SAG: variants seen among roughly 807,000 people sequenced by gnomAD.
SAG encodes S-arrestin.
In SAG, 45 loss-of-function variants were observed where a neutral mutation model predicts 55.0. The ratio of observed to expected loss-of-function variants is 0.82; its 90% CI spans 0.64 to 1.05. SAG has a LOEUF of 1.05. SAG is among the 50% of genes least tolerant of loss of function. SAG has a pLI of 0.00. For synonymous variants in SAG, 189 were observed against 197.4 expected (o/e 0.96, Z 0.36); for missense variants, 455 against 512.1 (o/e 0.89, Z 1.08).
At chr2:233,330,418 T>C (rs1183266057) in intron 9 of SAG, among the ~76,000 whole-genome samples, 1 of 152,118 alleles carries the variant, frequency 6.6e-6, no homozygotes, top group Admixed American at 6.6e-5. Context: ...TCATCACAGA[T>C]GAGGGTCAGA....
chr2:233,311,294 C>T (rs1700069399), intron 2 of SAG, among the ~76,000 whole-genome samples: 1 of 152,150 alleles, frequency 6.6e-6, no homozygotes. Context: ...AATGACTGCC[C>T]CTGCTCCTGG....
chr2:233,336,077 A>G (rs894451521), intron 11 of SAG, among the ~76,000 whole-genome samples: 5 of 152,378 alleles, frequency 3.3e-5, no homozygotes, highest in African/African-American at 1.2e-4. Flanking sequence ...ATTCTAAAGC[A>G]CATTCGTGAA....
At chr2:233,321,734 C>G (rs1215053742) in intron 5 of SAG, among the ~76,000 whole-genome samples, 5 of 152,060 alleles carry the variant, frequency 3.3e-5, no homozygotes, top group African/African-American at 1.2e-4. Context: ...ATGAACCGTA[C>G]AGTTAAAAGA....
intron 5 of SAG, among the ~76,000 whole-genome samples, chr2:233,321,038 C>A (rs920490128): frequency 2.0e-5 from 3 of 152,118 alleles, no homozygotes; most frequent in African/African-American, 7.2e-5. Context: ...TTCAACCTAC[C>A]GTTTACATAT....
At chr2:233,313,894 T>C (rs1399749470) in intron 2 of SAG, among the ~76,000 whole-genome samples, 1 of 151,408 alleles carries the variant, frequency 6.6e-6, no homozygotes, top group African/African-American at 2.4e-5. Flanking sequence ...AAGGGGCTGT[T>C]TGCTAGGGTG....
intron 10 of SAG, 194 bp downstream of exon 10, chr2:233,331,906 C>T (rs1429500592): frequency 1.7e-6 from 1 of 602,120 alleles, no homozygotes; most frequent in Non-Finnish European, 3.0e-6. Flanking sequence ...CCCTCTGTGC[C>T]CATCTTACAG....
At chr2:233,321,139 G>C (rs1574934871) in intron 5 of SAG, among the ~76,000 whole-genome samples, 1 of 152,314 alleles carries the variant, frequency 6.6e-6, no homozygotes, top group South Asian at 2.1e-4. Flanking sequence ...ATGCCCCTCG[G>C]CCCTGGGGAG....
At chr2:233,321,060 C>T (rs1194257261) in intron 5 of SAG, among the ~76,000 whole-genome samples, 2 of 152,144 alleles carry the variant, frequency 1.3e-5, no homozygotes, top group Non-Finnish European at 2.9e-5. Flanking sequence ...TCCCTTGACC[C>T]GACCCCCTAA....
intron 15 of SAG, among the ~76,000 whole-genome samples, 162 bp downstream of exon 15, chr2:233,346,574 G>A (rs141777205): frequency 1.1e-3 from 161 of 152,284 alleles, no homozygotes; most frequent in African/African-American, 3.7e-3. Context: ...CTTACGGCAC[G>A]CACGCACCAT....
At chr2:233,331,416 G>T in intron 9 of SAG, 3 of 589,882 alleles carry the variant, frequency 5.1e-6, no homozygotes, top group Non-Finnish European at 9.1e-6. Context: ...AGGGGACATG[G>T]GTGGGAGTTG....
rs2304774 is a variant in SAG, at chr2:233,327,103, G to C, written c.436-18G>C. On this transcript the variant is annotated intron_variant, in intron 6 of 15. Coordinates refer to ENST00000409110, the MANE Select transcript of SAG (RefSeq NM_000541.5). ...GGGAGTCGCTGATCGCTGCCTGTCT[G>C]CTCTCTCTCCCCAACAGTCCTGTGG... 766,495 of 1,607,922 alleles carry C rather than the reference G, an allele frequency of 0.48. 189,963 individuals carry two copies. The highest frequency in any genetic ancestry group is 0.56 in the South Asian group (50,528 of 90,912).
intron 2 of SAG, among the ~76,000 whole-genome samples, chr2:233,311,661 C>T (rs1002225452): frequency 1.5e-4 from 23 of 152,164 alleles, no homozygotes; most frequent in African/African-American, 5.3e-4. Flanking sequence ...TACCTGCCCC[C>T]ATCCTGCCCC....
chr2:233,309,034 C>T (rs946651303), intron 1 of SAG, 128 bp from the exon 2 acceptor site: 17 of 567,832 alleles, frequency 3.0e-5, no homozygotes, highest in African/African-American at 5.6e-5. Flanking sequence ...ATGTTGAAGC[C>T]GGTACAAGGG....
chr2:233,331,822 C>G, intron 10 of SAG, 110 bp downstream of exon 10: 1 of 767,524 alleles, frequency 1.3e-6, no homozygotes, highest in Non-Finnish European at 2.3e-6. Flanking sequence ...GCTCGCCAGC[C>G]TTCCACTTCC....
At chr2:233,325,396 G>A (rs1224882898) in intron 6 of SAG, among the ~76,000 whole-genome samples, 1 of 151,804 alleles carries the variant, frequency 6.6e-6, no homozygotes, top group East Asian at 1.9e-4. Flanking sequence ...GGAATGGATT[G>A]GAAAATCTCA....
At position 233,319,652 on chromosome 2, in the gene SAG, G is replaced by A. The variant is rs1700321115; in HGVS notation, c.181+857G>A. 1.0e-6 allele frequency: 1 copy of A among 986,060 alleles called. No homozygotes were observed. The highest frequency in any genetic ancestry group is 1.2e-6 in the Non-Finnish European group (1 of 830,460). 61.1% of individuals were successfully genotyped at this position (986,060 alleles called of 1,614,324 possible). ...TCTGTCCTCTCCACCTTCCTCCTGGGTGCCCTGCTCCTCTCTGGACCAGGA... is the reference window on the plus strand; with the variant it reads ...TCTGTCCTCTCCACCTTCCTCCTGGATGCCCTGCTCCTCTCTGGACCAGGA... On this transcript the variant is annotated intron_variant, in intron 4 of 15. Coordinates refer to ENST00000409110, the MANE Select transcript of SAG (RefSeq NM_000541.5). This position sits in a 1 kb window ranked among gnomAD's most constrained non-coding sequence, Gnocchi z 4.4.
At position 233,327,150 on chromosome 2, in the gene SAG, A is replaced by T. The variant is rs373440920; in HGVS notation, c.465A>T (p.Ala155=). 62 of 1,613,760 alleles carry T rather than the reference A, an allele frequency of 3.8e-5. No homozygotes were observed. The Admixed American group carries it at 1.0e-3, about 27-fold the overall frequency. Residue 155 remains alanine, a synonymous_variant, in exon 7 of 16, where the codon GCA becomes GCT. Coordinates refer to ENST00000409110, the MANE Select transcript of SAG (RefSeq NM_000541.5). ...KSCGVDFEVK[A]FATDSTDAEE... ...GTGGGGTTGACTTTGAGGTCAAAGCATTCGCCACAGACAGCACCGATGCCG... is the reference window on the plus strand; with the variant it reads ...GTGGGGTTGACTTTGAGGTCAAAGCTTTCGCCACAGACAGCACCGATGCCG...
chr2:233,310,967 C>T (rs1700062896), intron 2 of SAG, among the ~76,000 whole-genome samples: 1 of 152,102 alleles, frequency 6.6e-6, no homozygotes, highest in Non-Finnish European at 1.5e-5. Flanking sequence ...CTTTCGTTCT[C>T]CAAGCCCTTT....
At chr2:233,320,270 C>T (rs1279391592) in intron 4 of SAG, among the ~76,000 whole-genome samples, 1 of 152,206 alleles carries the variant, frequency 6.6e-6, no homozygotes, top group African/African-American at 2.4e-5. Flanking sequence ...ACATCCTGCC[C>T]TCTAGAACCT....
Sources: allele counts gnomAD v4.1 joint callset (sites outside exome capture counted in the v4.1 genomes callset), GRCh38; gene constraint gnomAD v4.1.1; non-coding constraint Gnocchi (gnomAD v3.1); transcripts MANE v1.5; gene names NCBI Gene and HGNC (gene_info 2026-07-23, HGNC 2026-07-21).